Variants in CASP6 observed in about 807,000 individuals in gnomAD.
CASP6 encodes the protein caspase 6.
In CASP6, 20 loss-of-function variants were observed where a neutral mutation model predicts 31.8. That is an observed-to-expected ratio of 0.63 (90% confidence interval 0.44 to 0.91). CASP6 has a LOEUF of 0.91. Among genes scored for constraint, CASP6 ranks in the 40% least tolerant of loss-of-function variants. The pLI, the probability that CASP6 is intolerant of heterozygous loss-of-function variation, is 0.00. For synonymous variants in CASP6, 130 were observed against 127.8 expected, an observed-to-expected ratio of 1.02 and a Z score of -0.12; for missense variants, 328 against 361.1, an observed-to-expected ratio of 0.91 and a Z score of 0.74.
upstream of CASP6, among the ~76,000 whole-genome samples, chr4:109,706,580 G>A (rs889726046): frequency 2.6e-5 from 4 of 152,158 alleles, no homozygotes; most frequent in African/African-American, 9.7e-5. Flanking sequence ...GAAGGTCTGT[G>A]GATAAAATGC....
Position 109,703,371 on chromosome 4 carries a change from T to C in CASP6, c.25A>G (p.Arg9Gly), listed in dbSNP as rs866723179. The C allele has an allele frequency of 2.5e-6, 4 of 1,611,100 alleles. No homozygotes were observed. The highest frequency in any genetic ancestry group is 2.7e-5 in the African/African-American group (2 of 74,882). MSSASGLR[R>G]GHPAGGEENM... Reference sequence around the variant, plus strand: ...CCCTGCCTACCTGCCGGGTGCCCCCTGCGGAGCCCCGAGGCCGAGCTCATT... The same window carrying C: ...CCCTGCCTACCTGCCGGGTGCCCCCCGCGGAGCCCCGAGGCCGAGCTCATT... Residue 9 changes from arginine (R) to glycine (G), a missense_variant, in exon 1 of 7, where the codon AGG (arginine) becomes GGG (glycine). Arg to Gly is a moderately radical substitution (Grantham distance 125). Transcript: ENST00000265164.
At chr4:109,698,441 C>T in intron 1 of CASP6, 99 bp from the exon 2 acceptor site, 1 of 1,012,016 alleles carries the variant, frequency 9.9e-7, no homozygotes, top group Non-Finnish European at 1.4e-6. Context: ...ACTCTTAAGA[C>T]CCTTCTGTTT....
At chr4:109,675,573 G>A in the CASP6 span, among the ~76,000 whole-genome samples, 1 of 152,160 alleles carries the variant, frequency 6.6e-6, no homozygotes, top group Non-Finnish European at 1.5e-5. Flanking sequence ...CTGGTGATAG[G>A]TCAATAAGCC....
At chr4:109,677,373 G>A in the CASP6 span, among the ~76,000 whole-genome samples, 1 of 152,184 alleles carries the variant, frequency 6.6e-6, no homozygotes, top group African/African-American at 2.4e-5. Flanking sequence ...TGATTTAGAT[G>A]AGACTTTGGA....
chr4:109,666,866 C>CT, the CASP6 span, among the ~76,000 whole-genome samples: 7 of 151,892 alleles, frequency 4.6e-5, no homozygotes, highest in East Asian at 1.4e-3. Flanking sequence ...ATTTTTCTTC[C>CT]TTAGTCTGTT....
upstream of CASP6, among the ~76,000 whole-genome samples, chr4:109,704,938 T>C (rs1730551073): frequency 6.6e-6 from 1 of 152,148 alleles, no homozygotes. Flanking sequence ...CTCCTGACCT[T>C]GAGCAATCTG....
the CASP6 span, chr4:109,682,515 C>T: frequency 2.4e-5 from 32 of 1,323,948 alleles, no homozygotes; most frequent in Middle Eastern, 1.9e-4. Context: ...AATTGGGGAC[C>T]GAAAGATTTA....
At chr4:109,688,421 CT>C (rs1729906019), downstream of CASP6, 2 of 152,134 alleles carry the variant, frequency 1.3e-5, no homozygotes, top group Admixed American at 1.3e-4. Flanking sequence ...CCTATAGTGG[CT>C]AAGAATTATG....
the CASP6 span, chr4:109,664,422 C>A: frequency 8.1e-6 from 5 of 616,258 alleles, no homozygotes; most frequent in Non-Finnish European, 1.1e-5. Context: ...CCAACTATTA[C>A]TTTTTTTTTT....
chr4:109,688,772 A>G lies in CASP6; in HGVS notation c.*558T>C. On this transcript the variant is annotated 3_prime_UTR_variant, in exon 7 of 7. Transcript: ENST00000265164. ...TTTGTGTAACCCTGCAGTTTATTAA[A>G]AAATAATACAAATGCTTATAAATTT... 6.6e-6 allele frequency: 1 copy of G among 152,314 alleles called. No homozygotes were observed. Among genetic ancestry groups the G allele is most frequent in the South Asian group, 2.1e-4 (1 of 4,826 alleles). 9.4% of individuals were successfully genotyped at this position (152,314 alleles called of 1,614,324 possible). A position where few individuals can be genotyped will look rare whatever the true frequency, so the allele number is the denominator to read the frequency against.
At chr4:109,676,048 A>C in the CASP6 span, among the ~76,000 whole-genome samples, 3 of 152,220 alleles carry the variant, frequency 2.0e-5, no homozygotes, top group African/African-American at 7.2e-5. Context: ...AAACATCTGA[A>C]AAGGTGGAAG....
chr4:109,693,823 C>G (rs2126157711), intron 5 of CASP6, among the ~76,000 whole-genome samples: 1 of 151,562 alleles, frequency 6.6e-6, no homozygotes, highest in South Asian at 2.1e-4. Flanking sequence ...ACTACAGCCT[C>G]TGCCTCCCAG....
chr4:109,698,432 C>T, intron 1 of CASP6, 90 bp from the exon 2 acceptor site: 1 of 1,060,940 alleles, frequency 9.4e-7, no homozygotes. Flanking sequence ...GACTCCCAAA[C>T]TCTTAAGACC....
the CASP6 span, among the ~76,000 whole-genome samples, chr4:109,671,127 T>C: frequency 6.6e-6 from 1 of 152,262 alleles, no homozygotes; most frequent in Non-Finnish European, 1.5e-5. Context: ...TTGATTTTCA[T>C]TGTATTCAGC....
chr4:109,696,431 GTTC>G lies in CASP6; in HGVS notation c.283_285del (p.Glu95del), dbSNP rs766749828. 28 of 1,612,458 alleles carry G rather than the reference GTTC, an allele frequency of 1.7e-5. 1 individual carries two copies. Among genetic ancestry groups the G allele is most frequent in the South Asian group, 8.8e-5 (8 of 90,982 alleles). On this transcript the variant is annotated inframe_deletion, in exon 4 of 7. Transcript: ENST00000265164. ...CTACCCTCATGAATTTTGAGCAGTAGTTCTTCTGCTTTAAGATCATTAAAGCAT... is the reference window on the plus strand; with the variant it reads ...CTACCCTCATGAATTTTGAGCAGTAGTTCTGCTTTAAGATCATTAAAGCAT...
chr4:109,700,060 A>G (rs1332710708), intron 1 of CASP6, among the ~76,000 whole-genome samples: 2 of 152,134 alleles, frequency 1.3e-5, no homozygotes, highest in Non-Finnish European at 2.9e-5. Context: ...TCTGCTCCAT[A>G]CTGACTGCTG....
At chr4:109,696,854 T>A (rs1385525658) in intron 3 of CASP6, among the ~76,000 whole-genome samples, 1 of 150,620 alleles carries the variant, frequency 6.6e-6, no homozygotes. Flanking sequence ...GGCTTGATCT[T>A]GGCTCACTGC....
At chr4:109,706,887 AC>A (rs1432601713), upstream of CASP6, among the ~76,000 whole-genome samples, 1 of 152,188 alleles carries the variant, frequency 6.6e-6, no homozygotes, top group Non-Finnish European at 1.5e-5. Context: ...AGCCTGAGTG[AC>A]AGAACGAGAC....
intron 5 of CASP6, among the ~76,000 whole-genome samples, chr4:109,694,050 T>C (rs576022184): frequency 6.6e-6 from 1 of 152,190 alleles, no homozygotes; most frequent in African/African-American, 2.4e-5. Context: ...CTTTTATCCC[T>C]AAAACCAATT....
Sources: gnomAD v4.1 joint callset for allele counts (sites outside exome capture counted in the v4.1 genomes callset) on GRCh38, gnomAD v4.1.1 for gene constraint, MANE v1.5 for transcripts, NCBI Gene and HGNC (gene_info 2026-07-23, HGNC 2026-07-21) for gene names.